TPST1: variants seen among roughly 807,000 people sequenced by gnomAD.
TPST1 encodes protein-tyrosine sulfotransferase 1.
A neutral mutation model predicts 34.8 loss-of-function variants in TPST1; 20 were observed. The observed-to-expected ratio is 0.57, with a 90% CI of 0.40 to 0.84. The LOEUF is 0.84. TPST1 is among the 40% of genes least tolerant of loss of function. The pLI is 0.00. For missense variants in TPST1, 353 were observed against 455.5 expected (o/e 0.78, Z 2.05); for synonymous variants, 152 against 159.4 (o/e 0.95, Z 0.35).
intron 2 of TPST1, among the ~76,000 whole-genome samples, chr7:66,250,944 C>A (rs761397802): frequency 2.0e-5 from 3 of 152,158 alleles, no homozygotes; most frequent in Non-Finnish European, 4.4e-5. Flanking sequence ...TGATTTACAT[C>A]CCAGTCTAGA....
chr7:66,354,070 G>A (rs910696346), intron 4 of TPST1, among the ~76,000 whole-genome samples: 1 of 152,158 alleles, frequency 6.6e-6, no homozygotes, highest in Non-Finnish European at 1.5e-5. Context: ...TGTTTACCCA[G>A]TGTCTACTAT....
intron 2 of TPST1, 115 bp downstream of exon 2, chr7:66,241,385 G>T (rs1487666054): frequency 7.9e-7 from 1 of 1,263,924 alleles, no homozygotes. Flanking sequence ...TGTATATATA[G>T]AAACTGAAGA....
intron 2 of TPST1, among the ~76,000 whole-genome samples, chr7:66,273,596 G>A (rs1790745633): frequency 1.3e-5 from 2 of 152,130 alleles, no homozygotes; most frequent in African/African-American, 2.4e-5. Context: ...GAATGGAACT[G>A]AATAGAGCGC....
chr7:66,251,536 A>G (rs1055498977), intron 2 of TPST1, among the ~76,000 whole-genome samples: 3 of 152,150 alleles, frequency 2.0e-5, no homozygotes, highest in Non-Finnish European at 4.4e-5. Context: ...TTTAGGGCAA[A>G]GGTAGTCTTG....
chr7:66,204,655 T>A (rs1401100341), upstream of TPST1, among the ~76,000 whole-genome samples: 1 of 152,260 alleles, frequency 6.6e-6, no homozygotes, highest in African/African-American at 2.4e-5. Flanking sequence ...AATGAATGGA[T>A]CATTTTGTGA....
intron 2 of TPST1, among the ~76,000 whole-genome samples, chr7:66,244,880 A>G (rs4149459): frequency 0.015 from 2,234 of 152,340 alleles, 61 homozygotes; most frequent in East Asian, 0.093. Flanking sequence ...GAATATAGCA[A>G]CTATTAAACA....
intron 3 of TPST1, among the ~76,000 whole-genome samples, chr7:66,294,233 T>A (rs1562831755): frequency 6.6e-6 from 1 of 152,238 alleles, no homozygotes; most frequent in Non-Finnish European, 1.5e-5. Context: ...TATTCTTTTT[T>A]GAAACTACAT....
intron 1 of TPST1, among the ~76,000 whole-genome samples, chr7:66,226,195 GT>G (rs1789652822): frequency 6.6e-6 from 1 of 152,036 alleles, no homozygotes; most frequent in Non-Finnish European, 1.5e-5. Flanking sequence ...CCAGGTACCT[GT>G]TTTTTTGTAG....
At chr7:66,329,058 C>T (rs963330492) in intron 3 of TPST1, among the ~76,000 whole-genome samples, 4 of 150,408 alleles carry the variant, frequency 2.7e-5, no homozygotes, top group South Asian at 2.1e-4. Context: ...ATTACAGGTG[C>T]GCACAACCAC....
At chr7:66,215,614 T>C (rs1184322010) in intron 1 of TPST1, among the ~76,000 whole-genome samples, 1 of 151,688 alleles carries the variant, frequency 6.6e-6, no homozygotes, top group East Asian at 1.9e-4. Flanking sequence ...GACCTCGTGA[T>C]CCGCCCGCGT....
At chr7:66,238,959 G>A (rs1303727015) in intron 1 of TPST1, among the ~76,000 whole-genome samples, 1 of 152,206 alleles carries the variant, frequency 6.6e-6, no homozygotes, top group African/African-American at 2.4e-5. Context: ...TGTACCTGCA[G>A]CATGGAGTGC....
chr7:66,343,410 G>A (rs1792279773), intron 3 of TPST1, among the ~76,000 whole-genome samples: 1 of 152,130 alleles, frequency 6.6e-6, no homozygotes, highest in South Asian at 2.1e-4. Context: ...CAAGAGACAG[G>A]AGAGAGGGAG....
intron 2 of TPST1, among the ~76,000 whole-genome samples, chr7:66,275,516 C>A (rs919187157): frequency 1.3e-5 from 2 of 152,186 alleles, no homozygotes; most frequent in Admixed American, 6.5e-5. Context: ...ATGCGGCATA[C>A]ATACACAATG....
intron 4 of TPST1, chr7:66,353,052 TGCCTG>T: frequency 1.0e-6 from 1 of 962,728 alleles, no homozygotes; most frequent in Non-Finnish European, 1.2e-6. Flanking sequence ...TGGTGGCTCA[TGCCTG>T]TAATCCCAGC....
intron 2 of TPST1, among the ~76,000 whole-genome samples, chr7:66,267,817 C>A (rs181375383): frequency 1.3e-5 from 2 of 152,284 alleles, no homozygotes; most frequent in African/African-American, 4.8e-5. Flanking sequence ...AATTCCTGCC[C>A]TTATGGAACA....
chr7:66,285,523 T>C (rs1458850134), intron 2 of TPST1, among the ~76,000 whole-genome samples: 4 of 152,186 alleles, frequency 2.6e-5, no homozygotes, highest in Non-Finnish European at 5.9e-5. Flanking sequence ...TTTTCTATTA[T>C]TTTGGAAGCA....
intron 5 of TPST1, among the ~76,000 whole-genome samples, chr7:66,358,446 A>G (rs1352485557): frequency 6.6e-6 from 1 of 151,846 alleles, no homozygotes; most frequent in East Asian, 1.9e-4. Context: ...TGATATATAT[A>G]TAACAGATAC....
In TPST1 at chr7:66,360,331, ATTAT is replaced by A. The variant is rs1180505841; in HGVS notation, c.*470_*473del. Reference sequence around the variant, plus strand: ...GATGTGAATAATATTAAATATCCTAATTATTTAATTCATTGTATTGTTTCTGAGA... The same window carrying A: ...GATGTGAATAATATTAAATATCCTAATTAATTCATTGTATTGTTTCTGAGA... On this transcript the variant is annotated 3_prime_UTR_variant, in exon 6 of 6. Coordinates refer to ENST00000304842, the MANE Select transcript of TPST1 (RefSeq NM_003596.4). 2.6e-5 allele frequency: 4 copies of A among 153,894 alleles called. No homozygotes were observed. The highest frequency in any genetic ancestry group is 4.8e-5 in the African/African-American group (2 of 41,526). 9.5% of individuals were successfully genotyped at this position (153,894 alleles called of 1,614,324 possible).
chr7:66,354,522 C>CAA (rs66521537), intron 4 of TPST1, among the ~76,000 whole-genome samples: 1,940 of 60,696 alleles, frequency 0.032, 136 homozygotes, highest in Non-Finnish European at 0.044. Context: ...GAGTCTGTCT[C>CAA]AAAAAAAAAA....
Sources: gnomAD v4.1 joint callset for allele counts (sites outside exome capture counted in the v4.1 genomes callset) on GRCh38, gnomAD v4.1.1 for gene constraint, MANE v1.5 for transcripts, NCBI Gene and HGNC (gene_info 2026-07-23, HGNC 2026-07-21) for gene names.